Variants in SLC2A8 observed in about 807,000 individuals in gnomAD.
SLC2A8 encodes solute carrier family 2, facilitated glucose transporter member 8.
SLC2A8 carries 53 observed loss-of-function variants against 49.2 expected under a neutral mutation model. The observed-to-expected ratio is 1.08, with a 90% CI of 0.86 to 1.35. SLC2A8 has a LOEUF of 1.35. SLC2A8 is among the 40% of genes most tolerant of loss of function. SLC2A8 has a pLI of 0.00. For missense variants in SLC2A8, 688 were observed against 671.7 expected, an observed-to-expected ratio of 1.02 and a Z score of -0.27; for synonymous variants, 299 against 297.0, an observed-to-expected ratio of 1.01 and a Z score of -0.07.
rs548832171 is a variant in SLC2A8, at chr9:127,399,615, C to T, written c.427-292C>T. On this transcript the variant is annotated intron_variant, in intron 3 of 9. Transcript: ENST00000373371. This position sits in a 1 kb window ranked among gnomAD's most constrained non-coding sequence, Gnocchi z 4.2. ...TATTTAAAAATTTCGGAGTTTCGCTCTTGTTGCCCAGGCTGGAGTGCAATG... is the reference window on the plus strand; with the variant it reads ...TATTTAAAAATTTCGGAGTTTCGCTTTTGTTGCCCAGGCTGGAGTGCAATG... Among the ~76,000 whole-genome samples the T allele has an allele frequency of 6.9e-6, 1 of 145,776 alleles. No homozygotes were observed. The highest frequency in any genetic ancestry group is 2.2e-4 in the South Asian group (1 of 4,630).
At chr9:127,401,317 AG>A (rs1833280106) in intron 4 of SLC2A8, among the ~76,000 whole-genome samples, 1 of 152,254 alleles carries the variant, frequency 6.6e-6, no homozygotes, top group South Asian at 2.1e-4. Flanking sequence ...AGAATTGTCA[AG>A]GGATGACTTG....
In SLC2A8 at chr9:127,404,898, G is replaced by A. The variant is rs778247708; in HGVS notation, c.1057G>A (p.Val353Met). 95 of 1,612,574 alleles carry A rather than the reference G, an allele frequency of 5.9e-5. No individual in the cohort carries two copies. Among genetic ancestry groups the A allele is most frequent in the East Asian group, 1.8e-4 (8 of 44,884 alleles). The change falls in exon 8 of 10, where the codon GTG becomes ATG. Residue 353 changes from valine to methionine, a missense_variant. Transcript: ENST00000373371. ...TQGGPGNSSH[V>M]AISAPVSAQP... ...GGGTGGCCCTGGCAACTCCTCGCAC[G>A]TGGCCATCTCGGCGCCTGTCTCTGC...
chr9:127,404,018 G>T lies in SLC2A8; in HGVS notation c.927G>T (p.Ala309=). 2 of 1,607,276 alleles carry T rather than the reference G, an allele frequency of 1.2e-6. No homozygotes were observed. Among genetic ancestry groups the T allele is most frequent in the South Asian group, 2.2e-5 (2 of 90,958 alleles). ...TCCAGGTGCTGTTCACAGCTGTGGC[G>T]GCTCTCATCATGGACAGAGCAGGGC... ...GVIQVLFTAV[A]ALIMDRAGRR... The change falls in exon 7 of 10, where the codon GCG becomes GCT. Residue 309 remains alanine (A), a synonymous_variant. Transcript: ENST00000373371.
At position 127,407,179 on chromosome 9, in the gene SLC2A8, C is replaced by T. The variant is rs375590074; in HGVS notation, c.1364C>T (p.Thr455Ile). ...TTCTGCATCTTCAGTGTCCTTTTCA[C>T]TTTGTTCTGTGTCCCTGAAACTAAA... ...SAFCIFSVLFTLFCVPETKGK... is the reference protein window; with the variant it reads ...SAFCIFSVLFILFCVPETKGK... Residue 455 changes from threonine (T) to isoleucine (I), a missense_variant, in exon 10 of 10, where the codon ACT becomes ATT. Thr to Ile is a moderately conservative substitution (Grantham distance 89). Coordinates refer to ENST00000373371, the MANE Select transcript of SLC2A8 (RefSeq NM_014580.5). 1.2e-6 allele frequency: 2 copies of T among 1,613,710 alleles called. No homozygotes were observed. The highest frequency in any genetic ancestry group is 1.7e-6 in the Non-Finnish European group (2 of 1,180,010).
intron 4 of SLC2A8, 182 bp from the exon 5 acceptor site, chr9:127,402,375 G>A: frequency 2.2e-6 from 2 of 929,236 alleles, no homozygotes; most frequent in East Asian, 2.9e-5. Flanking sequence ...CAGCTGGTGT[G>A]ATTGGCCCGT....
chr9:127,404,766 G>A (rs1168959543), intron 7 of SLC2A8, 52 bp from the exon 8 acceptor site: 79 of 1,575,582 alleles, frequency 5.0e-5, no homozygotes, highest in African/African-American at 1.7e-4. Context: ...ATGCTGCTGC[G>A]CCCTGGGCCG....
intron 5 of SLC2A8, 93 bp from the exon 6 acceptor site, chr9:127,403,567 C>A: frequency 2.7e-6 from 4 of 1,473,150 alleles, no homozygotes; most frequent in Non-Finnish European, 3.7e-6. Flanking sequence ...TGGGAGTCAG[C>A]GCTCCCCAAG....
At position 127,404,025 on chromosome 9, in the gene SLC2A8, A is replaced by T; in HGVS notation, c.934A>T (p.Ile312Phe). Reference sequence around the variant, plus strand: ...GCTGTTCACAGCTGTGGCGGCTCTCATCATGGACAGAGCAGGGCGGAGGCT... The same window carrying T: ...GCTGTTCACAGCTGTGGCGGCTCTCTTCATGGACAGAGCAGGGCGGAGGCT... ...QVLFTAVAALIMDRAGRRLLL... is the reference protein window; with the variant it reads ...QVLFTAVAALFMDRAGRRLLL... The change falls in exon 7 of 10, where the codon ATC becomes TTC. Residue 312 changes from isoleucine (I) to phenylalanine (F), a missense_variant. Ile to Phe is a conservative substitution (Grantham distance 21, BLOSUM62 0). Transcript: ENST00000373371. The T allele has an allele frequency of 5.0e-6, 8 of 1,606,202 alleles. No homozygotes were observed. The highest frequency in any genetic ancestry group is 6.8e-6 in the Non-Finnish European group (8 of 1,174,636).
Position 127,402,547 on chromosome 9 carries a change from C to A in SLC2A8, c.527-10C>A. On this transcript the variant is annotated splice_polypyrimidine_tract_variant and intron_variant, in intron 4 of 9. Coordinates refer to ENST00000373371, the MANE Select transcript of SLC2A8 (RefSeq NM_014580.5). Reference sequence around the variant, plus strand: ...CTCTGACGCCAGCCTCCTCCACCCACCCCCCGCAGGCTGGGTGCTGGAGTG... The same window carrying A: ...CTCTGACGCCAGCCTCCTCCACCCAACCCCCGCAGGCTGGGTGCTGGAGTG... The A allele has an allele frequency of 1.3e-6, 2 of 1,512,648 alleles. No homozygotes were observed. Among genetic ancestry groups the A allele is most frequent in the Admixed American group, 2.1e-5 (1 of 48,498 alleles). 93.7% of individuals were successfully genotyped at this position (1,512,648 alleles called of 1,614,324 possible).
In SLC2A8 at chr9:127,403,835, A is replaced by G. The variant is rs370128203; in HGVS notation, c.867+32A>G. 9 of 1,608,100 alleles carry G rather than the reference A, an allele frequency of 5.6e-6. No homozygotes were observed. In the African/African-American group the frequency reaches 1.2e-4, roughly 22 times the overall value. On this transcript the variant is annotated intron_variant, in intron 6 of 9. Coordinates refer to ENST00000373371, the MANE Select transcript of SLC2A8 (RefSeq NM_014580.5). The stretch of plus-strand genomic sequence containing the variant: ...GGGCCCTGCCTGGCCTGCCTCGTCC[A>G]GCCCCCACATAGATGGAGCTTCCTC...
chr9:127,407,090 A>G lies in SLC2A8; in HGVS notation c.1297-22A>G, dbSNP rs758593500. 4 of 1,612,108 alleles carry G rather than the reference A, an allele frequency of 2.5e-6. No homozygotes were observed. The South Asian group carries it at 3.3e-5, about 13-fold the overall frequency. ...TCCTGATCTCTCCCCGCGTCCACCC[A>G]TGGCCTTTCCTCTCTCTGCAGGAGG... On this transcript the variant is annotated intron_variant, in intron 9 of 9. Transcript: ENST00000373371.
At position 127,402,598 on chromosome 9, in the gene SLC2A8, G is replaced by A. The variant is rs761757532; in HGVS notation, c.568G>A (p.Val190Met). 1.1e-5 allele frequency: 17 copies of A among 1,592,486 alleles called. No individual in the cohort carries two copies. Among genetic ancestry groups the A allele is most frequent in the South Asian group, 2.3e-5 (2 of 88,008 alleles). Reference protein sequence around the residue: ...EWRWLAVLGCVPPSLMLLLMC... With the variant: ...EWRWLAVLGCMPPSLMLLLMC... ...GCGCTGGCTGGCTGTGCTGGGCTGCGTGCCCCCCTCCCTCATGCTGCTTCT... is the reference window on the plus strand; with the variant it reads ...GCGCTGGCTGGCTGTGCTGGGCTGCATGCCCCCCTCCCTCATGCTGCTTCT... The change falls in exon 5 of 10, where the codon GTG becomes ATG. Residue 190 changes from valine (V) to methionine (M), a missense_variant. Transcript: ENST00000373371.
intron 8 of SLC2A8, 55 bp from the exon 9 acceptor site, chr9:127,405,363 CTG>C: frequency 6.3e-7 from 1 of 1,583,446 alleles, no homozygotes; most frequent in Non-Finnish European, 8.6e-7. Context: ...CTGCAGCAAG[CTG>C]AGGAGCCCAG....
In SLC2A8 at chr9:127,398,042, C is replaced by T; in HGVS notation, c.357C>T (p.Asp119=). ...TTGCCGTCATCACCGCGGCCCAGGA[C>T]GTGTGGATGCTGCTGGGGGGCCGCC... is the stretch of plus-strand genomic sequence containing the variant. ...AGFAVITAAQ[D]VWMLLGGRLL... is the part of the protein sequence containing the mutation. The change falls in exon 3 of 10, where the codon GAC becomes GAT. Residue 119 remains aspartate (D), a synonymous_variant. Coordinates refer to ENST00000373371, the MANE Select transcript of SLC2A8 (RefSeq NM_014580.5). The T allele has an allele frequency of 1.3e-6, 2 of 1,586,788 alleles. No homozygotes were observed. Among genetic ancestry groups the T allele is most frequent in the Non-Finnish European group, 1.7e-6 (2 of 1,173,156 alleles).
In SLC2A8 at chr9:127,404,065, C is replaced by A. The variant is rs1459250615; in HGVS notation, c.974C>A (p.Ser325Ter). 1 of 1,592,662 alleles carries A rather than the reference C, an allele frequency of 6.3e-7. No individual in the cohort carries two copies. Among genetic ancestry groups the A allele is most frequent in the South Asian group, 1.1e-5 (1 of 90,088 alleles). The change falls in exon 7 of 10, where the codon TCA becomes TAA. Residue 325 changes from serine (S) to a stop codon, truncating the protein, a stop_gained and splice_region_variant. Coordinates refer to ENST00000373371, the MANE Select transcript of SLC2A8 (RefSeq NM_014580.5). LOFTEE classifies it high-confidence loss of function. Reference protein sequence around the residue: ...RAGRRLLLVLSGVVMVFSTSA... With the variant: ...RAGRRLLLVL ...GGGCGGAGGCTGCTCCTGGTCTTGT[C>A]AGGTGAGGGTTCACCCCTGTGCAGC... is the stretch of plus-strand genomic sequence containing the variant.
rs778551956 is a variant in SLC2A8, at chr9:127,407,138, C to A, written c.1323C>A (p.Phe441Leu). The A allele has an allele frequency of 1.2e-6, 2 of 1,613,644 alleles. No homozygotes were observed. Among genetic ancestry groups the A allele is most frequent in the South Asian group, 2.2e-5 (2 of 91,088 alleles). ...LMEVLRPYGA[F>L]WLASAFCIFS... ...AGGTCCTCAGGCCCTATGGAGCCTTCTGGCTTGCCTCCGCTTTCTGCATCT... is the reference window on the plus strand; with the variant it reads ...AGGTCCTCAGGCCCTATGGAGCCTTATGGCTTGCCTCCGCTTTCTGCATCT... Residue 441 changes from phenylalanine to leucine, a missense_variant, in exon 10 of 10, where the codon TTC (phenylalanine) becomes TTA (leucine). Transcript: ENST00000373371.
In SLC2A8 at chr9:127,404,026, T is replaced by C. The variant is rs1205798294; in HGVS notation, c.935T>C (p.Ile312Thr). The C allele has an allele frequency of 6.2e-7, 1 of 1,606,124 alleles. No individual in the cohort carries two copies. Among genetic ancestry groups the C allele is most frequent in the Non-Finnish European group, 8.5e-7 (1 of 1,174,714 alleles). The change falls in exon 7 of 10, where the codon ATC (isoleucine) becomes ACC (threonine). Residue 312 changes from isoleucine to threonine, a missense_variant. Transcript: ENST00000373371. ...QVLFTAVAAL[I>T]MDRAGRRLLL... ...CTGTTCACAGCTGTGGCGGCTCTCA[T>C]CATGGACAGAGCAGGGCGGAGGCTG...
chr9:127,407,102 C>G lies in SLC2A8; in HGVS notation c.1297-10C>G. Reference sequence around the variant, plus strand: ...CCCGCGTCCACCCATGGCCTTTCCTCTCTCTGCAGGAGGTCCTCAGGCCCT... The same window carrying G: ...CCCGCGTCCACCCATGGCCTTTCCTGTCTCTGCAGGAGGTCCTCAGGCCCT... On this transcript the variant is annotated splice_polypyrimidine_tract_variant and intron_variant, in intron 9 of 9. Coordinates refer to ENST00000373371, the MANE Select transcript of SLC2A8 (RefSeq NM_014580.5). The G allele has an allele frequency of 6.2e-7, 1 of 1,612,808 alleles. No individual in the cohort carries two copies. Among genetic ancestry groups the G allele is most frequent in the Non-Finnish European group, 8.5e-7 (1 of 1,179,930 alleles).
chr9:127,398,570 C>A (rs1383707125), intron 3 of SLC2A8, among the ~76,000 whole-genome samples: 1 of 152,160 alleles, frequency 6.6e-6, no homozygotes, highest in African/African-American at 2.4e-5. Context: ...CCTCTGTGTT[C>A]CCCTTCCCTT....
Sources: allele counts gnomAD v4.1 joint callset (sites outside exome capture counted in the v4.1 genomes callset), GRCh38; gene constraint gnomAD v4.1.1; non-coding constraint Gnocchi (gnomAD v3.1); transcripts MANE v1.5; gene names NCBI Gene and HGNC (gene_info 2026-07-23, HGNC 2026-07-21).